TMIGD3: variants seen among roughly 807,000 people sequenced by gnomAD.
The protein encoded by TMIGD3 is transmembrane and immunoglobulin domain containing 3.
A neutral mutation model predicts 28.1 loss-of-function variants in TMIGD3; 21 were observed. The ratio of observed to expected loss-of-function variants is 0.75; its 90% confidence interval spans 0.53 to 1.08. The LOEUF is 1.08. Among genes scored for constraint, TMIGD3 ranks in the 50% least tolerant of loss-of-function variants. The pLI, the probability that TMIGD3 is intolerant of heterozygous loss-of-function variation, is 0.00. For synonymous variants in TMIGD3, 151 were observed against 162.1 expected, an observed-to-expected ratio of 0.93 and a Z score of 0.52; for missense variants, 416 against 435.6, an observed-to-expected ratio of 0.96 and a Z score of 0.40.
At chr1:111,497,148 T>C (rs960498883) in intron 1 of TMIGD3, among the ~76,000 whole-genome samples, 1 of 152,198 alleles carries the variant, frequency 6.6e-6, no homozygotes, top group Non-Finnish European at 1.5e-5. Context: ...TGTCGTTCTG[T>C]CGCCCAGGCT....
At position 111,486,642 on chromosome 1, in the gene TMIGD3, G is replaced by A. The variant is rs1654389990; in HGVS notation, c.816C>T (p.Gly272=). 5 of 1,613,548 alleles carry A rather than the reference G, an allele frequency of 3.1e-6. No individual in the cohort carries two copies. The East Asian group carries it at 1.1e-4, about 36-fold the overall frequency. The change falls in exon 4 of 6, where the codon GGC becomes GGT. Residue 272 remains glycine (G), a synonymous_variant. Coordinates refer to ENST00000369716, the MANE Select transcript of TMIGD3 (RefSeq NM_020683.7). ...NDFWSGKDLS[G]NKTRSCKAPK... ...GAGCCTTGCAGCTTCTGGTTTTGTT[G>A]CCTGATAGGTCTGAATCAGAAAGGA...
At chr1:111,509,151 C>T (rs1655609476) in intron 1 of TMIGD3, among the ~76,000 whole-genome samples, 1 of 152,090 alleles carries the variant, frequency 6.6e-6, no homozygotes, top group Non-Finnish European at 1.5e-5. Context: ...CTGGTCTCCT[C>T]GCTTAAGATG....
At chr1:111,484,496 GACC>G (rs1355784263) in intron 5 of TMIGD3, among the ~76,000 whole-genome samples, 5 of 152,188 alleles carry the variant, frequency 3.3e-5, no homozygotes, top group African/African-American at 1.2e-4. Context: ...GTCTTGGGCA[GACC>G]TGAGAAAGCC....
At chr1:111,536,359 C>T (rs1656639788) in intron 1 of TMIGD3, among the ~76,000 whole-genome samples, 2 of 152,032 alleles carry the variant, frequency 1.3e-5, no homozygotes, top group Non-Finnish European at 2.9e-5. Flanking sequence ...GAAACTGAGG[C>T]CAAAGAAGCT....
rs1655219783 is a variant in TMIGD3 at position 111,502,104 on chromosome 1, ATT to A, written c.350+899_350+900del. Reference sequence around the variant, plus strand: ...TAATAAATATATATAGGAGATATATATTTAATATAATAAATATATAGGATATA... The same window carrying A: ...TAATAAATATATATAGGAGATATATATAATATAATAAATATATAGGATATA... On this transcript the variant is annotated intron_variant, in intron 1 of 5. Transcript: ENST00000369716. 2.6e-5 allele frequency among the ~76,000 whole-genome samples: 3 copies of A among 113,642 alleles called. No individual in the cohort carries two copies. The East Asian group carries it at 6.9e-4, about 26-fold the overall frequency. The allele number at this position is 113,642 out of a possible 152,430, so 74.6% of individuals were successfully genotyped here. A position where few individuals can be genotyped will look rare whatever the true frequency, so the allele number is the denominator to read the frequency against.
intron 1 of TMIGD3, chr1:111,500,702 G>T: frequency 2.6e-6 from 2 of 782,704 alleles, no homozygotes; most frequent in South Asian, 1.8e-5. Flanking sequence ...GGGCAGCATT[G>T]ATATCCTATG....
chr1:111,499,892 A>G, intron 1 of TMIGD3: 3 of 1,585,814 alleles, frequency 1.9e-6, no homozygotes, highest in Non-Finnish European at 2.6e-6. Context: ...CAGGCCCTCA[A>G]GTGTTTGTTG....
At chr1:111,515,428 C>G (rs1396364417) in intron 1 of TMIGD3, among the ~76,000 whole-genome samples, 1 of 152,196 alleles carries the variant, frequency 6.6e-6, no homozygotes, top group Non-Finnish European at 1.5e-5. Flanking sequence ...AAGGAGTCGC[C>G]GCTGAGAGGC....
chr1:111,561,280 C>T (rs888489202), intron 1 of TMIGD3, among the ~76,000 whole-genome samples: 4 of 152,098 alleles, frequency 2.6e-5, no homozygotes, highest in African/African-American at 7.2e-5. Flanking sequence ...CACACCACCA[C>T]GCCTGGCTAA....
chr1:111,555,037 T>C (rs151216942), intron 1 of TMIGD3, among the ~76,000 whole-genome samples: 17 of 151,648 alleles, frequency 1.1e-4, no homozygotes, highest in Admixed American at 4.6e-4. Flanking sequence ...AGAGAACTAA[T>C]TGAAAACAGG....
At chr1:111,514,776 C>A (rs1337662725) in intron 1 of TMIGD3, among the ~76,000 whole-genome samples, 1 of 152,154 alleles carries the variant, frequency 6.6e-6, no homozygotes, top group Non-Finnish European at 1.5e-5. Flanking sequence ...AATGGTAACA[C>A]TCCAGGGCTC....
chr1:111,510,532 A>G (rs1655655364), intron 1 of TMIGD3, among the ~76,000 whole-genome samples: 1 of 151,952 alleles, frequency 6.6e-6, no homozygotes, highest in Non-Finnish European at 1.5e-5. Context: ...TGTCCCATTC[A>G]TTTGTGTGTG....
In TMIGD3 at chr1:111,537,499, G is replaced by A. The variant is rs534948405; in HGVS notation, c.107+26347C>T. ...ACAGCAATCATGACACAAAAGATAT[G>A]TTCATAAAGCACTCTTTTTTAAAGA... On this transcript the variant is annotated intron_variant, in intron 1 of 5. Coordinates refer to the TMIGD3 transcript ENST00000369717. Among the ~76,000 whole-genome samples the A allele has an allele frequency of 3.3e-5, 5 of 152,266 alleles. No homozygotes were observed. The South Asian group carries it at 8.3e-4, about 25-fold the overall frequency.
intron 1 of TMIGD3, among the ~76,000 whole-genome samples, chr1:111,562,932 C>T (rs1200764673): frequency 1.3e-5 from 2 of 152,228 alleles, no homozygotes. Flanking sequence ...TGATTAGTCT[C>T]TTACTATGTA....
intron 1 of TMIGD3, among the ~76,000 whole-genome samples, chr1:111,537,820 C>T (rs1656690521): frequency 6.6e-6 from 1 of 152,140 alleles, no homozygotes; most frequent in Non-Finnish European, 1.5e-5. Context: ...AAAATTAAAA[C>T]AATGTAATTA....
Position 111,488,784 on chromosome 1 carries a change from T to C in TMIGD3, c.698A>G (p.Tyr233Cys), listed in dbSNP as rs1267763405. 1 of 1,614,226 alleles carries C rather than the reference T, an allele frequency of 6.2e-7. No individual in the cohort carries two copies. Among genetic ancestry groups the C allele is most frequent in the South Asian group, 1.1e-5 (1 of 91,084 alleles). The change falls in exon 3 of 6, where the codon TAC becomes TGC. Residue 233 changes from tyrosine (Y) to cysteine (C), a missense_variant. Physicochemically the swap from Tyr to Cys is radical, Grantham distance 194. Coordinates refer to ENST00000369716, the MANE Select transcript of TMIGD3 (RefSeq NM_020683.7). Reference sequence around the variant, plus strand: ...AAAGTCCCGCTGGATGCCACACCAGTACCAGCCCGTGTCCTCTTTGGTCAG... The same window carrying C: ...AAAGTCCCGCTGGATGCCACACCAGCACCAGCCCGTGTCCTCTTTGGTCAG... ...SCLTKEDTGW[Y>C]WCGIQRDFAR...
At chr1:111,492,712 G>A (rs1654723598) in intron 1 of TMIGD3, among the ~76,000 whole-genome samples, 1 of 151,842 alleles carries the variant, frequency 6.6e-6, no homozygotes, top group African/African-American at 2.4e-5. Flanking sequence ...TACTCAGGAG[G>A]CTGAGGCAGG....
At chr1:111,542,904 G>T (rs991833110) in intron 1 of TMIGD3, among the ~76,000 whole-genome samples, 6 of 151,964 alleles carry the variant, frequency 3.9e-5, no homozygotes, top group Admixed American at 2.0e-4. Context: ...ACCATGTTGG[G>T]CAGGCTGGTC....
At chr1:111,552,074 A>G (rs1032839912) in intron 1 of TMIGD3, among the ~76,000 whole-genome samples, 7 of 152,202 alleles carry the variant, frequency 4.6e-5, no homozygotes, top group South Asian at 2.1e-4. Context: ...ACTGTTATCC[A>G]TTGTCTCAGT....
Sources: allele counts gnomAD v4.1 joint callset (sites outside exome capture counted in the v4.1 genomes callset), GRCh38; gene constraint gnomAD v4.1.1; transcripts MANE v1.5; gene names NCBI Gene and HGNC (gene_info 2026-07-23, HGNC 2026-07-21).